The following ENTREP2 variants were observed in gnomAD, a reference collection of about 807,000 sequenced individuals.
ENTREP2 encodes the protein protein ENTREP2.
the ENTREP2 span, among the ~76,000 whole-genome samples, chr15:29,595,099 T>G: frequency 1.2e-3 from 98 of 82,666 alleles, no homozygotes; most frequent in Non-Finnish European, 2.2e-3. Context: ...AAAAAAAAAT[T>G]TAAAATTAGC....
the ENTREP2 span, among the ~76,000 whole-genome samples, chr15:29,581,269 T>G: frequency 2.0e-5 from 3 of 152,092 alleles, no homozygotes; most frequent in Non-Finnish European, 2.9e-5. Context: ...TCTTTTCTTG[T>G]AGGGATTAAG....
the ENTREP2 span, among the ~76,000 whole-genome samples, chr15:29,240,593 A>G: frequency 0.39 from 59,925 of 151,906 alleles, 12,039 homozygotes; most frequent in East Asian, 0.59. Context: ...AAAAAGGCCC[A>G]GGCTAGATGC....
At chr15:29,140,279 G>A in the ENTREP2 span, among the ~76,000 whole-genome samples, 5,444 of 152,224 alleles carry the variant, frequency 0.036, 170 homozygotes, top group East Asian at 0.13. Context: ...CGCACACAGC[G>A]GGTACTCAGT....
At chr15:29,270,256 C>A in the ENTREP2 span, among the ~76,000 whole-genome samples, 2 of 152,180 alleles carry the variant, frequency 1.3e-5, no homozygotes, top group Non-Finnish European at 2.9e-5. Context: ...CAATTTCATA[C>A]CCTCCATCCC....
the ENTREP2 span, among the ~76,000 whole-genome samples, chr15:29,482,425 T>C: frequency 6.6e-6 from 1 of 152,220 alleles, no homozygotes; most frequent in Non-Finnish European, 1.5e-5. Flanking sequence ...TGGACAAATG[T>C]ATAACAACGT....
At chr15:29,491,017 A>G in the ENTREP2 span, among the ~76,000 whole-genome samples, 1 of 152,128 alleles carries the variant, frequency 6.6e-6, no homozygotes, top group Non-Finnish European at 1.5e-5. Context: ...CCCAGCCCTG[A>G]CCCGTGGGGA....
the ENTREP2 span, among the ~76,000 whole-genome samples, chr15:29,658,570 T>C: frequency 6.6e-6 from 1 of 152,130 alleles, no homozygotes. Context: ...CTGTATAAGA[T>C]TCAAATCTCA....
At chr15:29,342,405 T>G in the ENTREP2 span, among the ~76,000 whole-genome samples, 1 of 152,194 alleles carries the variant, frequency 6.6e-6, no homozygotes, top group African/African-American at 2.4e-5. Flanking sequence ...TTCCCAGAGA[T>G]TCTTGGTTGT....
At chr15:29,396,458 TC>T in the ENTREP2 span, among the ~76,000 whole-genome samples, 408 of 152,342 alleles carry the variant, frequency 2.7e-3, 1 homozygote, top group African/African-American at 9.2e-3. Flanking sequence ...TGAATTGTGT[TC>T]TTTACTTTTT....
At chr15:29,349,020 T>C in the ENTREP2 span, among the ~76,000 whole-genome samples, 1 of 152,152 alleles carries the variant, frequency 6.6e-6, no homozygotes, top group Non-Finnish European at 1.5e-5. Flanking sequence ...TAACAAAAAG[T>C]CCAGTTGGCA....
At chr15:29,229,583 T>C in the ENTREP2 span, among the ~76,000 whole-genome samples, 1 of 152,200 alleles carries the variant, frequency 6.6e-6, no homozygotes, top group African/African-American at 2.4e-5. Flanking sequence ...CGTTGCCAAA[T>C]GTGAAAAAGG....
the ENTREP2 span, among the ~76,000 whole-genome samples, chr15:29,148,095 T>A: frequency 4.5e-4 from 69 of 152,114 alleles, no homozygotes; most frequent in Non-Finnish European, 8.2e-4. Context: ...AACAGGCAAA[T>A]CCATGGATAC....
At chr15:29,329,133 C>G in the ENTREP2 span, among the ~76,000 whole-genome samples, 1 of 152,008 alleles carries the variant, frequency 6.6e-6, no homozygotes, top group Non-Finnish European at 1.5e-5. Context: ...GAGGCCGAGG[C>G]GGGTGGATCA....
the ENTREP2 span, among the ~76,000 whole-genome samples, chr15:29,378,750 TAC>T: frequency 6.6e-6 from 1 of 151,858 alleles, no homozygotes; most frequent in Non-Finnish European, 1.5e-5. Flanking sequence ...TACATATACA[TAC>T]ATATATAAAA....
At chr15:29,123,164 G>C in the ENTREP2 span, 24 of 637,340 alleles carry the variant, frequency 3.8e-5, no homozygotes, top group African/African-American at 3.8e-4. Context: ...GGCTCCCCTC[G>C]AGAGAGGGGG....
chr15:29,397,383 T>A, the ENTREP2 span, among the ~76,000 whole-genome samples: 1 of 151,852 alleles, frequency 6.6e-6, no homozygotes, highest in African/African-American at 2.4e-5. Context: ...AGAGTGAGAC[T>A]CCATCTTAAA....
chr15:29,252,549 C>A, the ENTREP2 span: 2 of 789,084 alleles, frequency 2.5e-6, no homozygotes, highest in East Asian at 2.7e-5. Flanking sequence ...CATGGCTTTA[C>A]AACAGCTTTC....
chr15:29,650,195 G>C, the ENTREP2 span, among the ~76,000 whole-genome samples: 3 of 151,868 alleles, frequency 2.0e-5, no homozygotes, highest in African/African-American at 7.3e-5. Context: ...AAAAAAGTTA[G>C]ACAATGGTTT....
chr15:29,122,666 T>G, the ENTREP2 span: 12 of 152,172 alleles, frequency 7.9e-5, no homozygotes, highest in African/African-American at 2.9e-4. Context: ...CAGGAGATGG[T>G]GGGTTCCTCC....
Sources: gnomAD v4.1 joint callset for allele counts (sites outside exome capture counted in the v4.1 genomes callset) on GRCh38, gnomAD v4.1.1 for gene constraint, MANE v1.5 for transcripts, NCBI Gene and HGNC (gene_info 2026-07-23, HGNC 2026-07-21) for gene names.